ATP6V1B2: variants seen among roughly 807,000 people sequenced by gnomAD.
The protein encoded by ATP6V1B2 is ATPase H+ transporting V1 subunit B2.
ATP6V1B2 carries 23 observed loss-of-function variants against 66.7 expected under a neutral mutation model. That is an observed-to-expected ratio of 0.34 (90% confidence interval 0.25 to 0.49). The LOEUF is 0.49. Among genes scored for constraint, ATP6V1B2 ranks in the 20% least tolerant of loss-of-function variants. ATP6V1B2 has a pLI of 0.99. For missense variants in ATP6V1B2, 478 were observed against 650.8 expected (o/e 0.73, Z 2.89); for synonymous variants, 278 against 236.7 (o/e 1.17, Z -1.60).
chr8:20,204,328 G>A (rs1045562188), intron 1 of ATP6V1B2, among the ~76,000 whole-genome samples, 156 bp from the exon 2 acceptor site: 11 of 152,230 alleles, frequency 7.2e-5, no homozygotes, highest in African/African-American at 2.7e-4. Flanking sequence ...AGGCACAGAT[G>A]TAGTTTATAA....
intron 2 of ATP6V1B2, among the ~76,000 whole-genome samples, chr8:20,205,173 A>G (rs955932103): frequency 3.7e-4 from 56 of 152,314 alleles, no homozygotes; most frequent in Middle Eastern, 3.4e-3. Flanking sequence ...AAATATTAGG[A>G]AGCTTTGTTT....
chr8:20,202,997 A>G (rs1184368855), intron 1 of ATP6V1B2, among the ~76,000 whole-genome samples: 1 of 152,222 alleles, frequency 6.6e-6, no homozygotes, highest in Non-Finnish European at 1.5e-5. Context: ...TAAAATGAGA[A>G]CAATGAAGAA....
intron 2 of ATP6V1B2, 79 bp from the exon 3 acceptor site, chr8:20,209,354 T>G: frequency 2.2e-6 from 3 of 1,385,610 alleles, no homozygotes; most frequent in Non-Finnish European, 3.0e-6. Flanking sequence ...AGACACAACA[T>G]GGGAGAGACA....
chr8:20,202,476 C>T (rs2072697440), intron 1 of ATP6V1B2, among the ~76,000 whole-genome samples: 1 of 152,162 alleles, frequency 6.6e-6, no homozygotes. Context: ...TGCAAGGTTA[C>T]TTACTAACTT....
chr8:20,219,392 A>G (rs2072885955), intron 13 of ATP6V1B2, among the ~76,000 whole-genome samples: 1 of 152,106 alleles, frequency 6.6e-6, no homozygotes, highest in Non-Finnish European at 1.5e-5. Context: ...TTGTCCCTCT[A>G]CTAAAAAAAC....
intron 9 of ATP6V1B2, 75 bp from the exon 10 acceptor site, chr8:20,214,743 T>C: frequency 1.4e-6 from 2 of 1,438,182 alleles, no homozygotes; most frequent in East Asian, 2.4e-5. Flanking sequence ...TACTTTGGCA[T>C]GTTGAAACAA....
rs758123990 is a variant in ATP6V1B2, at chr8:20,218,221, C to T, written c.1335C>T (p.Thr445=). Residue 445 remains threonine, a synonymous_variant, in exon 13 of 14, where the codon ACC becomes ACT. Coordinates refer to ENST00000276390, the MANE Select transcript of ATP6V1B2 (RefSeq NM_001693.4). ...MKAVVGEEAL[T]SDDLLYLEFL... is the part of the protein sequence containing the mutation. ...CTGTCGTTGGAGAAGAAGCCCTTAC[C>T]TCAGATGATCTTCTCTACTTGGAAT... 20 of 1,613,418 alleles carry T rather than the reference C, an allele frequency of 1.2e-5. No homozygotes were observed. The South Asian group carries it at 2.1e-4, about 17-fold the overall frequency.
chr8:20,204,041 T>C, intron 1 of ATP6V1B2: 1 of 454,620 alleles, frequency 2.2e-6, no homozygotes, highest in Non-Finnish European at 4.4e-6. Context: ...TCTACTTAGC[T>C]AAATGCTGCG....
At chr8:20,218,797 T>C (rs2128886882) in intron 13 of ATP6V1B2, among the ~76,000 whole-genome samples, 1 of 152,278 alleles carries the variant, frequency 6.6e-6, no homozygotes, top group Middle Eastern at 3.4e-3. Context: ...TTACCCACTG[T>C]CCAGACCTCT....
At position 20,220,574 on chromosome 8, in the gene ATP6V1B2, C is replaced by T. The variant is rs2128887140; in HGVS notation, c.*172C>T. The T allele has an allele frequency of 1.0e-6, 1 of 954,424 alleles. No individual in the cohort carries two copies. The highest frequency in any genetic ancestry group is 2.3e-5 in the South Asian group (1 of 43,036). 59.1% of individuals were successfully genotyped at this position (954,424 alleles called of 1,614,324 possible). ...GTGTTGCAACGTTTTAAACTGCTAA[C>T]AGACCTTAAAATATCCCCCTACCTG... is the stretch of plus-strand genomic sequence containing the variant. On this transcript the variant is annotated 3_prime_UTR_variant, in exon 14 of 14. Coordinates refer to ENST00000276390, the MANE Select transcript of ATP6V1B2 (RefSeq NM_001693.4).
intron 1 of ATP6V1B2, among the ~76,000 whole-genome samples, chr8:20,197,825 A>G (rs2072644262): frequency 6.6e-6 from 1 of 152,066 alleles, no homozygotes; most frequent in East Asian, 1.9e-4. Context: ...CCTAGGCTGG[A>G]GCCTTCTTAG....
At chr8:20,216,540 C>T (rs1267428726) in intron 11 of ATP6V1B2, 45 bp downstream of exon 11, 1 of 1,536,262 alleles carries the variant, frequency 6.5e-7, no homozygotes, top group African/African-American at 1.4e-5. Context: ...ACCTGCTCAT[C>T]CGTTATTCTT....
intron 1 of ATP6V1B2, among the ~76,000 whole-genome samples, chr8:20,199,889 G>T (rs1272116407): frequency 6.6e-6 from 1 of 152,012 alleles, no homozygotes; most frequent in African/African-American, 2.4e-5. Flanking sequence ...GGGATAACAG[G>T]CATGAGCCAC....
At chr8:20,218,061 TGAG>T in intron 12 of ATP6V1B2, 89 bp from the exon 13 acceptor site, 1 of 1,464,828 alleles carries the variant, frequency 6.8e-7, no homozygotes, top group African/African-American at 1.4e-5. Context: ...TGGGCTCTTG[TGAG>T]GAGAACTAGA....
chr8:20,218,292 C>G lies in ATP6V1B2; in HGVS notation c.1396+10C>G, dbSNP rs1224920057. The G allele has an allele frequency of 6.2e-7, 1 of 1,609,006 alleles. No individual in the cohort carries two copies. ...AACTTCATTGCTCAGGGTAAGATGA[C>G]TGTTGGCTTACAAACATAAAAAGCC... On this transcript the variant is annotated intron_variant, in intron 13 of 13. Transcript: ENST00000276390.
Position 20,220,518 on chromosome 8 carries a change from A to G in ATP6V1B2, c.*116A>G, listed in dbSNP as rs1455917166. 9.6e-6 allele frequency: 13 copies of G among 1,350,454 alleles called. No individual in the cohort carries two copies. Among genetic ancestry groups the G allele is most frequent in the Non-Finnish European group, 1.3e-5 (13 of 1,026,074 alleles). The allele number at this position is 1,350,454 out of a possible 1,614,324, so 83.7% of individuals were successfully genotyped here. ...GAGTTTACCATGTTACCCTGTAATT[A>G]AAAACAAAGAATAGGTAACATATTG... On this transcript the variant is annotated 3_prime_UTR_variant, in exon 14 of 14. Transcript: ENST00000276390.
intron 9 of ATP6V1B2, chr8:20,213,223 A>G: frequency 3.4e-6 from 1 of 290,050 alleles, no homozygotes; most frequent in South Asian, 3.4e-5. Flanking sequence ...TTCTGTCCAG[A>G]CTATTAATTT....
intron 1 of ATP6V1B2, among the ~76,000 whole-genome samples, chr8:20,202,589 G>T (rs573181070): frequency 3.3e-4 from 50 of 152,300 alleles, no homozygotes; most frequent in African/African-American, 1.2e-3. Context: ...TCCAGGAAAA[G>T]CTATGACTAG....
chr8:20,214,780 T>C, intron 9 of ATP6V1B2, 38 bp from the exon 10 acceptor site: 1 of 1,555,028 alleles, frequency 6.4e-7, no homozygotes, highest in Non-Finnish European at 8.7e-7. Flanking sequence ...CTTGTTGTAA[T>C]ATCGTGCATG....
Sources: allele counts gnomAD v4.1 joint callset (sites outside exome capture counted in the v4.1 genomes callset), GRCh38; gene constraint gnomAD v4.1.1; transcripts MANE v1.5; gene names NCBI Gene and HGNC (gene_info 2026-07-23, HGNC 2026-07-21).